DIP2A: variants seen among roughly 807,000 people sequenced by gnomAD.
DIP2A encodes the protein disco-interacting protein 2 homolog A.
In DIP2A, 85 loss-of-function variants were observed where a neutral mutation model predicts 177.4. That is an observed-to-expected ratio of 0.48 (90% CI 0.40 to 0.57). The LOEUF (loss-of-function observed/expected upper bound fraction) is 0.57. Among genes scored for constraint, DIP2A ranks in the 20% least tolerant of loss-of-function variants. DIP2A has a pLI of 0.00. For missense variants in DIP2A, 1,791 were observed against 2,100.2 expected (o/e 0.85, Z 2.88); for synonymous variants, 886 against 881.8 (o/e 1.00, Z -0.08).
chr21:46,480,261 C>T (rs577052673), intron 1 of DIP2A, among the ~76,000 whole-genome samples: 60 of 152,212 alleles, frequency 3.9e-4, no homozygotes, highest in African/African-American at 1.1e-3. Context: ...GGACGTCCTA[C>T]GTGGTGGCAG....
chr21:46,554,936 G>C lies in DIP2A; in HGVS notation c.3388+3G>C. The stretch of plus-strand genomic sequence containing the variant: ...CTGGCCCACCATCCTAGACACAGGT[G>C]CGTGTCCTCGCACTGCCCAGGACCA... On this transcript the variant is annotated splice_donor_region_variant and intron_variant, in intron 28 of 37. Transcript: ENST00000417564. 6.4e-7 allele frequency: 1 copy of C among 1,550,944 alleles called. No individual in the cohort carries two copies.
intron 35 of DIP2A, among the ~76,000 whole-genome samples, chr21:46,564,859 T>A (rs116695862): frequency 2.0e-4 from 31 of 152,226 alleles, no homozygotes; most frequent in African/African-American, 7.5e-4. Flanking sequence ...TGAGGGACCC[T>A]CCCCTCAACC....
At position 46,563,351 on chromosome 21, in the gene DIP2A, C is replaced by T. The variant is rs939491478; in HGVS notation, c.4090-507C>T. On this transcript the variant is annotated intron_variant, in intron 34 of 37. Transcript: ENST00000417564. This position sits in a 1 kb window ranked among gnomAD's most constrained non-coding sequence, Gnocchi z 4.3. The stretch of plus-strand genomic sequence containing the variant: ...GAGCCCAGTGAGGGAACACTGGGAC[C>T]GGGCCTGGGAGGCCAGGTAAGAGAT... Among the ~76,000 whole-genome samples the T allele has an allele frequency of 2.6e-5, 4 of 152,194 alleles. No individual in the cohort carries two copies. The highest frequency in any genetic ancestry group is 4.4e-5 in the Non-Finnish European group (3 of 68,028).
chr21:46,518,818 C>T (rs761888088), intron 8 of DIP2A, among the ~76,000 whole-genome samples: 3 of 152,248 alleles, frequency 2.0e-5, no homozygotes, highest in Non-Finnish European at 4.4e-5. Context: ...GATTGCACCG[C>T]TGCACTGCAG....
intron 8 of DIP2A, among the ~76,000 whole-genome samples, chr21:46,518,513 T>C (rs568728327): frequency 6.6e-6 from 1 of 152,376 alleles, no homozygotes; most frequent in South Asian, 2.1e-4. Context: ...TTTCCTGTCA[T>C]TTTAACTTGC....
At chr21:46,487,010 A>G (rs1026820444) in intron 2 of DIP2A, among the ~76,000 whole-genome samples, 1 of 152,214 alleles carries the variant, frequency 6.6e-6, no homozygotes, top group African/African-American at 2.4e-5. Flanking sequence ...CGATCTGTTA[A>G]TATTTAGAGA....
At chr21:46,571,609 C>G (rs1396263228), downstream of DIP2A, among the ~76,000 whole-genome samples, 2 of 152,098 alleles carry the variant, frequency 1.3e-5, no homozygotes, top group African/African-American at 2.4e-5. Flanking sequence ...TGAAGAGGTC[C>G]TTCACATCCC....
intron 2 of DIP2A, 148 bp downstream of exon 2, chr21:46,484,976 C>G (rs2056591540): frequency 4.4e-6 from 3 of 689,138 alleles, no homozygotes; most frequent in East Asian, 3.2e-5. Context: ...GAGACAGGGT[C>G]TCGCTGTGTT....
rs757791661 is a variant in DIP2A, at chr21:46,541,924, G to T, written c.2176+29G>T. On this transcript the variant is annotated intron_variant, in intron 18 of 37. Transcript: ENST00000417564. ...AGAGACATAACCAGAGTGGGTCTTT[G>T]TCCATGACTGATTGAGGTAACGAAA... 28 of 1,613,378 alleles carry T rather than the reference G, an allele frequency of 1.7e-5. No individual in the cohort carries two copies. In the South Asian group the frequency reaches 3.0e-4, roughly 17 times the overall value.
In DIP2A at chr21:46,480,799, G is replaced by A. The variant is rs558632202; in HGVS notation, c.92-3958G>A. Among the ~76,000 whole-genome samples the A allele has an allele frequency of 3.9e-5, 6 of 152,342 alleles. No individual in the cohort carries two copies. The East Asian group carries it at 1.2e-3, about 29-fold the overall frequency. On this transcript the variant is annotated intron_variant, in intron 1 of 37. Coordinates refer to ENST00000417564, the MANE Select transcript of DIP2A (RefSeq NM_015151.4). ...GGCGGTAAAAGTGACCTGACCAAAGGCAGACTGTACTGTACTGGATTGGAA... is the reference window on the plus strand; with the variant it reads ...GGCGGTAAAAGTGACCTGACCAAAGACAGACTGTACTGTACTGGATTGGAA...
chr21:46,469,791 A>T (rs2055186322), intron 1 of DIP2A, among the ~76,000 whole-genome samples: 1 of 152,118 alleles, frequency 6.6e-6, no homozygotes, highest in Non-Finnish European at 1.5e-5. Context: ...GCAAACATCT[A>T]CTGGTTCCCT....
chr21:46,566,747 C>G, intron 37 of DIP2A, 64 bp downstream of exon 37: 1 of 1,600,546 alleles, frequency 6.2e-7, no homozygotes, highest in Non-Finnish European at 8.5e-7. Flanking sequence ...GGCATGAGTG[C>G]TGTGCATCGG....
intron 17 of DIP2A, among the ~76,000 whole-genome samples, chr21:46,540,500 T>G (rs2059768877): frequency 6.6e-6 from 1 of 152,116 alleles, no homozygotes; most frequent in Admixed American, 6.5e-5. Context: ...TCCTTGTGTG[T>G]GGGTGCGGGG....
Position 46,459,226 on chromosome 21 carries a change from A to G in DIP2A, c.91+4A>G, listed in dbSNP as rs1475039835. ...CTGGAGCTGGAGCTGTCGGAAGGTGAGCCGGACCCCGCCCTCAACCCCCGC... is the reference window on the plus strand; with the variant it reads ...CTGGAGCTGGAGCTGTCGGAAGGTGGGCCGGACCCCGCCCTCAACCCCCGC... On this transcript the variant is annotated splice_donor_region_variant and intron_variant, in intron 1 of 37. Coordinates refer to ENST00000417564, the MANE Select transcript of DIP2A (RefSeq NM_015151.4). The G allele has an allele frequency of 2.6e-6, 4 of 1,521,944 alleles. No individual in the cohort carries two copies. Among genetic ancestry groups the G allele is most frequent in the Non-Finnish European group, 3.5e-6 (4 of 1,135,666 alleles). 94.3% of individuals were successfully genotyped at this position (1,521,944 alleles called of 1,614,324 possible).
At position 46,545,256 on chromosome 21, in the gene DIP2A, A is replaced by G. The variant is rs747224977; in HGVS notation, c.2296A>G (p.Thr766Ala). 3 of 1,598,534 alleles carry G rather than the reference A, an allele frequency of 1.9e-6. No individual in the cohort carries two copies. In the African/African-American group the frequency reaches 4.0e-5, roughly 21 times the overall value. The change falls in exon 19 of 38, where the codon ACG becomes GCG. Residue 766 changes from threonine to alanine, a missense_variant. Physicochemically the swap from Thr to Ala is moderately conservative, Grantham distance 58. Transcript: ENST00000417564. ...GTAYYGLLGI[T>A]KNVFEAVPVT... is the part of the protein sequence containing the mutation. The stretch of plus-strand genomic sequence containing the variant: ...AGCGTACTATGGATTGCTTGGAATC[A>G]CGAAGAATGTGTTTGAGGTTTGTCC...
downstream of DIP2A, among the ~76,000 whole-genome samples, chr21:46,573,187 G>T (rs544315769): frequency 6.6e-6 from 1 of 151,830 alleles, no homozygotes; most frequent in Non-Finnish European, 1.5e-5. Flanking sequence ...GAGATATAAG[G>T]CATATAGAAT....
At position 46,490,600 on chromosome 21, in the gene DIP2A, G is replaced by C; in HGVS notation, c.164G>C (p.Gly55Ala). The change falls in exon 3 of 38, where the codon GGA (glycine) becomes GCA (alanine). Residue 55 changes from glycine to alanine, a missense_variant and splice_region_variant. Physicochemically the swap from Gly to Ala is moderately conservative, Grantham distance 60. Coordinates refer to ENST00000417564, the MANE Select transcript of DIP2A (RefSeq NM_015151.4). ...LLARYIPLIQ[G>A]IDPSLQAENR... Reference sequence around the variant, plus strand: ...GTATTCCCATAAAATTGTGTTTCAGGAATAGACCCATCTCTGCAAGCAGAG... The same window carrying C: ...GTATTCCCATAAAATTGTGTTTCAGCAATAGACCCATCTCTGCAAGCAGAG... 6.4e-7 allele frequency: 1 copy of C among 1,560,244 alleles called. No homozygotes were observed. Among genetic ancestry groups the C allele is most frequent in the Non-Finnish European group, 8.7e-7 (1 of 1,152,218 alleles).
Position 46,567,700 on chromosome 21 carries a change from G to A in DIP2A, c.*78G>A. 6.6e-7 allele frequency: 1 copy of A among 1,505,788 alleles called. No homozygotes were observed. Among genetic ancestry groups the A allele is most frequent in the Non-Finnish European group, 8.9e-7 (1 of 1,126,924 alleles). 93.3% of individuals were successfully genotyped at this position (1,505,788 alleles called of 1,614,324 possible). A position where few individuals can be genotyped will look rare whatever the true frequency, so the allele number is the denominator to read the frequency against. On this transcript the variant is annotated 3_prime_UTR_variant, in exon 38 of 38. Coordinates refer to ENST00000417564, the MANE Select transcript of DIP2A (RefSeq NM_015151.4). ...GTGTGATGTGGGAAGACACCGCAGA[G>A]CTCACTCACCGGGACTCGCCCTTCC... is the stretch of plus-strand genomic sequence containing the variant.
chr21:46,564,638 T>C (rs542246793), intron 35 of DIP2A, among the ~76,000 whole-genome samples: 1 of 152,292 alleles, frequency 6.6e-6, no homozygotes, highest in African/African-American at 2.4e-5. Context: ...CAAATTGATG[T>C]CTTCAAACCA....
Sources: gnomAD v4.1 joint callset for allele counts (sites outside exome capture counted in the v4.1 genomes callset) on GRCh38, gnomAD v4.1.1 for gene constraint, Gnocchi (gnomAD v3.1) non-coding constraint, MANE v1.5 for transcripts, NCBI Gene and HGNC (gene_info 2026-07-23, HGNC 2026-07-21) for gene names.